Variants in STOX2 observed in about 807,000 individuals in gnomAD.
STOX2 encodes storkhead-box protein 2.
STOX2 carries 28 observed loss-of-function variants against 60.9 expected under a neutral mutation model. The observed-to-expected ratio is 0.46, with a 90% CI of 0.34 to 0.63. STOX2 has a LOEUF of 0.63. Among genes scored for constraint, STOX2 ranks in the 30% least tolerant of loss-of-function variants. STOX2 has a pLI of 0.01. For synonymous variants in STOX2, 472 were observed against 463.9 expected (o/e 1.02, Z -0.22); for missense variants, 1,024 against 1,187.7 (o/e 0.86, Z 2.03).
intron 1 of STOX2, among the ~76,000 whole-genome samples, chr4:183,829,221 TTTAG>T (rs1217131250): frequency 6.6e-6 from 1 of 152,244 alleles, no homozygotes; most frequent in African/African-American, 2.4e-5. Context: ...ATTTGAGGCA[TTTAG>T]TTAATCTGCT....
intron 1 of STOX2, among the ~76,000 whole-genome samples, chr4:183,890,973 G>A (rs953468698): frequency 8.5e-5 from 13 of 152,066 alleles, no homozygotes; most frequent in Non-Finnish European, 1.6e-4. Context: ...AGGTGGGCAT[G>A]GTGGTGCACA....
At chr4:183,987,679 G>A (rs1264742347) in intron 1 of STOX2, 1 of 152,366 alleles carries the variant, frequency 6.6e-6, no homozygotes, top group East Asian at 1.9e-4. Context: ...GCACTGGCTG[G>A]TGCTGGGTGA....
At chr4:183,881,680 G>A (rs1740963368) in intron 1 of STOX2, among the ~76,000 whole-genome samples, 1 of 152,172 alleles carries the variant, frequency 6.6e-6, no homozygotes, top group Non-Finnish European at 1.5e-5. Context: ...TGTTTAAGAT[G>A]ATATTTAGGC....
chr4:183,890,219 G>A (rs74635297), intron 1 of STOX2, among the ~76,000 whole-genome samples: 2,200 of 152,122 alleles, frequency 0.014, 115 homozygotes, highest in East Asian at 0.1. Context: ...CAACAGGGCC[G>A]GGCGCCTGTA....
intron 1 of STOX2, among the ~76,000 whole-genome samples, chr4:183,967,454 AG>A: frequency 6.6e-6 from 1 of 152,016 alleles, no homozygotes; most frequent in East Asian, 1.9e-4. Flanking sequence ...TCATCGAGAA[AG>A]TGAGTGGTGC....
chr4:183,876,375 A>G (rs910875473), intron 1 of STOX2, among the ~76,000 whole-genome samples: 9 of 152,062 alleles, frequency 5.9e-5, no homozygotes, highest in Non-Finnish European at 1.2e-4. Flanking sequence ...TTTGGGGGAG[A>G]TGCCAGCTTT....
Position 184,017,139 on chromosome 4 carries a change from G to A in STOX2, c.2636G>A (p.Arg879His), listed in dbSNP as rs1344767661. The A allele has an allele frequency of 6.8e-6, 11 of 1,613,766 alleles. No individual in the cohort carries two copies. The highest frequency in any genetic ancestry group is 9.3e-6 in the Non-Finnish European group (11 of 1,179,806). The change falls in exon 4 of 4, where the codon CGT becomes CAT. Residue 879 changes from arginine (R) to histidine (H), a missense_variant. This residue lies in a region of STOX2 where 922 missense variants were observed against 1,058.3 expected (regional missense o/e 0.87). Coordinates refer to ENST00000308497, the MANE Select transcript of STOX2 (RefSeq NM_020225.3). ...SNTSSIVESN[R>H]RQNPALSPAH... Reference sequence around the variant, plus strand: ...ACATCAAGCATTGTTGAAAGTAACCGTCGTCAGAACCCCGCTTTGAGCCCG... The same window carrying A: ...ACATCAAGCATTGTTGAAAGTAACCATCGTCAGAACCCCGCTTTGAGCCCG...
At chr4:183,930,275 C>G (rs1007464075) in intron 1 of STOX2, among the ~76,000 whole-genome samples, 9 of 151,984 alleles carry the variant, frequency 5.9e-5, no homozygotes, top group African/African-American at 2.2e-4. Context: ...AAGTGATCCT[C>G]CCAGCTCAGC....
In STOX2 at chr4:184,023,368, A is replaced by G. The variant is rs980616646; in HGVS notation, c.*6084A>G. 1 of 152,200 alleles carries G rather than the reference A, an allele frequency of 6.6e-6. No individual in the cohort carries two copies. Among genetic ancestry groups the G allele is most frequent in the Non-Finnish European group, 1.5e-5 (1 of 68,040 alleles). The allele number at this position is 152,200 out of a possible 1,614,324, so 9.4% of individuals were successfully genotyped here. ...ATGATTACTTGTCATGCTTAGTATA[A>G]TAACTTAAAAGAAAAAAAAGGACAG... On this transcript the variant is annotated 3_prime_UTR_variant, in exon 4 of 4. Coordinates refer to ENST00000308497, the MANE Select transcript of STOX2 (RefSeq NM_020225.3).
intron 1 of STOX2, among the ~76,000 whole-genome samples, chr4:183,992,193 T>C (rs978000409): frequency 2.6e-5 from 4 of 152,180 alleles, no homozygotes; most frequent in Non-Finnish European, 5.9e-5. Context: ...ATCGGTACAA[T>C]TTTGTTGTAA....
chr4:183,915,509 C>T (rs1039566355), intron 1 of STOX2, among the ~76,000 whole-genome samples: 5 of 151,924 alleles, frequency 3.3e-5, no homozygotes, highest in African/African-American at 1.2e-4. Flanking sequence ...CGAATGTGTC[C>T]GCCCAAAAGA....
At chr4:183,814,884 T>C (rs910107691) in intron 1 of STOX2, among the ~76,000 whole-genome samples, 9 of 152,376 alleles carry the variant, frequency 5.9e-5, no homozygotes, top group Admixed American at 2.6e-4. Flanking sequence ...TTCTTCATTT[T>C]CAGATTTTCT....
intron 1 of STOX2, among the ~76,000 whole-genome samples, chr4:183,990,484 T>C (rs1211845960): frequency 6.6e-6 from 1 of 151,792 alleles, no homozygotes; most frequent in Non-Finnish European, 1.5e-5. Flanking sequence ...AGATTTATGC[T>C]TTTTTCTGCT....
At position 184,009,921 on chromosome 4, in the gene STOX2, G is replaced by A. The variant is rs369430822; in HGVS notation, c.1083G>A (p.Arg361=). The A allele has an allele frequency of 1.9e-6, 3 of 1,613,020 alleles. No homozygotes were observed. Among genetic ancestry groups the A allele is most frequent in the East Asian group, 2.2e-5 (1 of 44,868 alleles). ...ACAGCGGAAGGAGTAAAAAGAGTAG[G>A]ACTCATCGGAAGTCCCATGGAAAGT... ...AHHSGRSKKS[R]THRKSHGKSR... The change falls in exon 3 of 4, where the codon AGG becomes AGA. Residue 361 remains arginine, a synonymous_variant. Transcript: ENST00000308497. The surrounding 1 kb of genome is among the most constrained non-coding windows in gnomAD (Gnocchi z 4.0).
At chr4:183,859,674 C>A (rs1237643486) in intron 1 of STOX2, among the ~76,000 whole-genome samples, 4 of 152,260 alleles carry the variant, frequency 2.6e-5, no homozygotes, top group Admixed American at 2.6e-4. Flanking sequence ...ATGGCCCTTG[C>A]ATGCAGGGAA....
chr4:183,932,878 T>C (rs1742478479), intron 1 of STOX2, among the ~76,000 whole-genome samples: 1 of 152,198 alleles, frequency 6.6e-6, no homozygotes, highest in Non-Finnish European at 1.5e-5. Context: ...ACATGACAGC[T>C]CCTCCTCATC....
intron 1 of STOX2, among the ~76,000 whole-genome samples, chr4:183,799,006 T>A (rs1738699545): frequency 1.3e-5 from 2 of 152,180 alleles, no homozygotes; most frequent in Admixed American, 1.3e-4. Context: ...TTCTTGACAT[T>A]TTGGGAGGTC....
At chr4:183,950,629 G>A (rs1743040418) in intron 1 of STOX2, among the ~76,000 whole-genome samples, 1 of 152,204 alleles carries the variant, frequency 6.6e-6, no homozygotes, top group South Asian at 2.1e-4. Context: ...GTACCGAGGG[G>A]CTGGAATGAC....
intron 1 of STOX2, among the ~76,000 whole-genome samples, chr4:183,936,431 C>T (rs1317757904): frequency 5.4e-5 from 8 of 149,396 alleles, no homozygotes; most frequent in East Asian, 3.9e-4. Context: ...TTTTTTTTTC[C>T]GCAGTGGATC....
Sources: gnomAD v4.1 joint callset for allele counts (sites outside exome capture counted in the v4.1 genomes callset) on GRCh38, gnomAD v4.1.1 for gene constraint, gnomAD v4.1.1 regional missense constraint, Gnocchi (gnomAD v3.1) non-coding constraint, MANE v1.5 for transcripts, NCBI Gene and HGNC (gene_info 2026-07-23, HGNC 2026-07-21) for gene names.